The following MAMDC4 variants were observed in gnomAD, a reference collection of about 807,000 sequenced individuals.
MAMDC4 encodes apical endosomal glycoprotein.
In MAMDC4, 168 loss-of-function variants were observed where a neutral mutation model predicts 153.3. That is an observed-to-expected ratio of 1.10 (90% CI 0.97 to 1.25). MAMDC4 has a LOEUF of 1.25. Ranked by LOEUF, MAMDC4 falls within the 50% of genes most tolerant of loss-of-function variation. MAMDC4 has a pLI of 0.00. For missense variants in MAMDC4, 1,701 were observed against 1,542.8 expected, an observed-to-expected ratio of 1.10 and a Z score of -1.72; for synonymous variants, 744 against 651.5, an observed-to-expected ratio of 1.14 and a Z score of -2.16.
intron 4 of MAMDC4, 42 bp downstream of exon 4, chr9:136,853,712 G>C (rs1303886990): frequency 2.5e-6 from 4 of 1,604,252 alleles, no homozygotes; most frequent in Non-Finnish European, 1.7e-6. Flanking sequence ...GTGCCCAAGG[G>C]GAGGGCGGGT....
At chr9:136,859,523 C>T in intron 25 of MAMDC4, 1 of 613,106 alleles carries the variant, frequency 1.6e-6, no homozygotes, top group East Asian at 2.9e-5. Flanking sequence ...TGGGCTGTCC[C>T]TGGGGTGCAG....
chr9:136,852,567 A>G (rs1848941980), intron 1 of MAMDC4, 105 bp downstream of exon 1: 2 of 1,401,612 alleles, frequency 1.4e-6, no homozygotes. Context: ...CTGAGCCCCA[A>G]AGGGAAGGAG....
At position 136,853,379 on chromosome 9, in the gene MAMDC4, C is replaced by G. The variant is rs755916254; in HGVS notation, c.249C>G (p.Tyr83Ter). Residue 83 changes from tyrosine (Y) to a stop codon, truncating the protein, a stop_gained, in exon 3 of 27, where the codon TAC becomes TAG. Coordinates refer to ENST00000317446, the MANE Select transcript of MAMDC4 (RefSeq NM_206920.3). LOFTEE classifies it high-confidence loss of function. Reference protein sequence around the residue: ...CGWRDISTSGYSWLRDRAGAA... With the variant: ...CGWRDISTSG ...GGCGGGACATTAGTACCTCAGGCTA[C>G]AGCTGGCTCCGAGACAGGGCAGGGG... 6.2e-7 allele frequency: 1 copy of G among 1,606,378 alleles called. No homozygotes were observed. Among genetic ancestry groups the G allele is most frequent in the East Asian group, 2.2e-5 (1 of 44,694 alleles).
Position 136,859,502 on chromosome 9 carries a change from G to T in MAMDC4, c.3193+185G>T, listed in dbSNP as rs1385352680. On this transcript the variant is annotated intron_variant, in intron 25 of 26. Coordinates refer to ENST00000317446, the MANE Select transcript of MAMDC4 (RefSeq NM_206920.3). ...CTCTGCCCTGCTCACCCCTGGGGCC[G>T]CTGCCTGGGCTGGGCTGTCCCTGGG... is the stretch of plus-strand genomic sequence containing the variant. The T allele has an allele frequency of 2.7e-5, 17 of 639,028 alleles. No individual in the cohort carries two copies. The South Asian group carries it at 3.0e-4, about 11-fold the overall frequency. 39.6% of individuals were successfully genotyped at this position (639,028 alleles called of 1,614,324 possible).
intron 2 of MAMDC4, 27 bp downstream of exon 2, chr9:136,853,236 G>A (rs182066547): frequency 6.8e-6 from 11 of 1,612,424 alleles, no homozygotes; most frequent in Non-Finnish European, 9.3e-6. Flanking sequence ...TGGGCGGGCA[G>A]GGCCAGTGCG....
At position 136,855,157 on chromosome 9, in the gene MAMDC4, A is replaced by T. The variant is rs375682100; in HGVS notation, c.1197+47A>T. On this transcript the variant is annotated intron_variant, in intron 10 of 26. Coordinates refer to ENST00000317446, the MANE Select transcript of MAMDC4 (RefSeq NM_206920.3). ...GGGTCTGGGGAGCCGCACTGTGGGC[A>T]GGGGAGGGGAACCCACAAGGTACCC... is the stretch of plus-strand genomic sequence containing the variant. 26 of 1,564,636 alleles carry T rather than the reference A, an allele frequency of 1.7e-5. No homozygotes were observed. The African/African-American group carries it at 3.4e-4, about 20-fold the overall frequency.
At position 136,857,640 on chromosome 9, in the gene MAMDC4, C is replaced by G; in HGVS notation, c.2327-19C>G. The G allele has an allele frequency of 6.2e-7, 1 of 1,612,442 alleles. No individual in the cohort carries two copies. The highest frequency in any genetic ancestry group is 8.5e-7 in the Non-Finnish European group (1 of 1,179,788). ...GAGGGGCTGGCCAGGGGCTGGCAGGCTGATGCTGGCACCTCCAGGGCACTA... is the reference window on the plus strand; with the variant it reads ...GAGGGGCTGGCCAGGGGCTGGCAGGGTGATGCTGGCACCTCCAGGGCACTA... On this transcript the variant is annotated intron_variant, in intron 18 of 26. Transcript: ENST00000317446.
In MAMDC4 at chr9:136,854,050, T is replaced by TAG. The variant is rs1240226961; in HGVS notation, c.647_648dup (p.Phe217SerfsTer54). 3 of 1,612,800 alleles carry TAG rather than the reference T, an allele frequency of 1.9e-6. No homozygotes were observed. The highest frequency in any genetic ancestry group is 1.7e-6 in the Non-Finnish European group (2 of 1,179,930). On this transcript the variant is annotated frameshift_variant, in exon 6 of 27. Coordinates refer to ENST00000317446, the MANE Select transcript of MAMDC4 (RefSeq NM_206920.3). LOFTEE classifies it high-confidence loss of function. ...AGGGGCGCTGTGGCTCTAGATGACC[T>TAG]AGAGTTCTGGGACTGTGGTCTGCCC... is the stretch of plus-strand genomic sequence containing the variant.
intron 1 of MAMDC4, among the ~76,000 whole-genome samples, chr9:136,852,753 T>C (rs1001731571): frequency 6.6e-6 from 1 of 152,164 alleles, no homozygotes; most frequent in Non-Finnish European, 1.5e-5. Flanking sequence ...TTGGACTGGG[T>C]GGAGCTTGTG....
In MAMDC4 at chr9:136,855,496, A is replaced by G; in HGVS notation, c.1348A>G (p.Ser450Gly). The change falls in exon 12 of 27, where the codon AGC becomes GGC. Residue 450 changes from serine (S) to glycine (G), a missense_variant. Transcript: ENST00000317446. ...CCCAGCCCCCCAGCCCCTGCCGCCCAGCTCGCGGCTCCAGGATTCCTGCAA... is the reference window on the plus strand; with the variant it reads ...CCCAGCCCCCCAGCCCCTGCCGCCCGGCTCGCGGCTCCAGGATTCCTGCAA... The part of the protein sequence containing the change: ...RAPAPQPLPP[S>G]SRLQDSCKQG... 6.3e-7 allele frequency: 1 copy of G among 1,597,922 alleles called. No individual in the cohort carries two copies. Among genetic ancestry groups the G allele is most frequent in the South Asian group, 1.1e-5 (1 of 89,232 alleles).
At position 136,860,680 on chromosome 9, in the gene MAMDC4, G is replaced by A. The variant is rs1849078717; in HGVS notation, c.*77G>A. 4 of 1,533,822 alleles carry A rather than the reference G, an allele frequency of 2.6e-6. No individual in the cohort carries two copies. In the Admixed American group the frequency reaches 6.7e-5, roughly 26 times the overall value. Reference sequence around the variant, plus strand: ...GACCCTAGCCAGGGACCGGACACCTGCCCCGCCCAGGCTGGGACAGGCTGC... The same window carrying A: ...GACCCTAGCCAGGGACCGGACACCTACCCCGCCCAGGCTGGGACAGGCTGC... On this transcript the variant is annotated 3_prime_UTR_variant, in exon 27 of 27. Transcript: ENST00000317446.
chr9:136,858,628 T>G (rs1849042871), intron 22 of MAMDC4, 82 bp downstream of exon 22: 1 of 1,593,872 alleles, frequency 6.3e-7, no homozygotes, highest in Admixed American at 1.8e-5. Context: ...ACATGCCCCA[T>G]CCAGAGGAGG....
At chr9:136,858,303 C>T in intron 21 of MAMDC4, 27 bp downstream of exon 21, 2 of 1,600,928 alleles carry the variant, frequency 1.2e-6, no homozygotes. Context: ...GGCCTCGGCC[C>T]TGCTCTGGGG....
intron 12 of MAMDC4, 51 bp from the exon 13 acceptor site, chr9:136,855,681 C>T (rs760657971): frequency 1.9e-6 from 3 of 1,568,126 alleles, no homozygotes; most frequent in Non-Finnish European, 2.6e-6. Context: ...GGCGCCGGGG[C>T]AGGCTGAGGA....
Position 136,855,309 on chromosome 9 carries a change from T to A in MAMDC4, c.1253T>A (p.Ile418Asn), listed in dbSNP as rs893265342. Reference protein sequence around the residue: ...PGGVVGLDDLILSDHCRPVSE... With the variant: ...PGGVVGLDDLNLSDHCRPVSE... ...GGCGTCGTGGGTCTGGACGACCTCA[T>A]CCTGTCTGACCACTGCAGACCAGTC... The change falls in exon 11 of 27, where the codon ATC (isoleucine) becomes AAC (asparagine). Residue 418 changes from isoleucine to asparagine, a missense_variant. Ile to Asn is a moderately radical substitution (Grantham distance 149). Transcript: ENST00000317446. 1 of 1,607,432 alleles carries A rather than the reference T, an allele frequency of 6.2e-7. No homozygotes were observed. The highest frequency in any genetic ancestry group is 1.7e-5 in the Admixed American group (1 of 59,516).
chr9:136,858,128 C>A (rs1351691256), intron 20 of MAMDC4, 31 bp downstream of exon 20: 4 of 1,531,434 alleles, frequency 2.6e-6, no homozygotes, highest in Non-Finnish European at 3.5e-6. Flanking sequence ...CCCTCCCCCT[C>A]CCCCTCCCCC....
At chr9:136,860,159 G>T in intron 26 of MAMDC4, 95 bp downstream of exon 26, 1 of 1,360,842 alleles carries the variant, frequency 7.3e-7, no homozygotes, top group South Asian at 1.5e-5. Flanking sequence ...CCGGGGAGGA[G>T]CCCCCACCTG....
Position 136,854,426 on chromosome 9 carries a change from A to C in MAMDC4, c.796+90A>C, listed in dbSNP as rs1224653044. The stretch of plus-strand genomic sequence containing the variant: ...ACTCATCCAGGAGGGGGTGCCTTGG[A>C]TCCTTGGATGGTCCTTCTTGGGGTG... On this transcript the variant is annotated intron_variant, in intron 7 of 26. Coordinates refer to ENST00000317446, the MANE Select transcript of MAMDC4 (RefSeq NM_206920.3). 52 of 1,498,860 alleles carry C rather than the reference A, an allele frequency of 3.5e-5. No homozygotes were observed. The Middle Eastern group carries it at 6.4e-4, about 19-fold the overall frequency. The allele number at this position is 1,498,860 out of a possible 1,614,324, so 92.8% of individuals were successfully genotyped here.
At chr9:136,855,655 C>T (rs377305036) in intron 12 of MAMDC4, 36 bp downstream of exon 12, 21 of 1,564,852 alleles carry the variant, frequency 1.3e-5, no homozygotes, top group Admixed American at 1.1e-4. Context: ...CCTCCTGCTG[C>T]GGAGCCAAGG....
Sources: gnomAD v4.1 joint callset for allele counts (sites outside exome capture counted in the v4.1 genomes callset) on GRCh38, gnomAD v4.1.1 for gene constraint, MANE v1.5 for transcripts, NCBI Gene and HGNC (gene_info 2026-07-23, HGNC 2026-07-21) for gene names.